The following EIF2AK4 variants were observed in gnomAD, a reference collection of about 807,000 sequenced individuals.
EIF2AK4 encodes the protein eukaryotic translation initiation factor 2 alpha kinase 4.
Under a neutral mutation model 211.1 loss-of-function variants are expected in EIF2AK4, and 139 were observed. The observed-to-expected ratio is 0.66, with a 90% CI of 0.57 to 0.76. EIF2AK4 has a LOEUF of 0.76. Among genes scored for constraint, EIF2AK4 ranks in the 30% least tolerant of loss-of-function variants. The pLI, the probability that EIF2AK4 is intolerant of heterozygous loss-of-function variation, is 0.00. For missense variants in EIF2AK4, 1,664 were observed against 2,043.8 expected, an observed-to-expected ratio of 0.81 and a Z score of 3.58; for synonymous variants, 710 against 751.3, an observed-to-expected ratio of 0.94 and a Z score of 0.90.
intron 1 of EIF2AK4, among the ~76,000 whole-genome samples, chr15:39,937,717 A>AG (rs370711042): frequency 1.3e-4 from 19 of 151,764 alleles, no homozygotes; most frequent in Admixed American, 5.9e-4. Context: ...AGATATAAGT[A>AG]GGTTTTTTTT....
At chr15:39,935,130 C>T (rs1054690836) in intron 1 of EIF2AK4, among the ~76,000 whole-genome samples, 1 of 152,152 alleles carries the variant, frequency 6.6e-6, no homozygotes, top group Non-Finnish European at 1.5e-5. Flanking sequence ...GCCCATGGGC[C>T]TCGGGTTAGA....
At position 40,016,556 on chromosome 15, in the gene EIF2AK4, C is replaced by G. The variant is rs867794168; in HGVS notation, c.3814C>G (p.Pro1272Ala). Residue 1272 changes from proline to alanine, a missense_variant, in exon 28 of 39, where the codon CCA (proline) becomes GCA (alanine). Pro to Ala is a conservative substitution (Grantham distance 27). Coordinates refer to ENST00000263791, the MANE Select transcript of EIF2AK4 (RefSeq NM_001013703.4). ...GAAGGGAGATTTGCAAGATCTTATGCCAACAATAAATTCATTAATAAAACA... is the reference window on the plus strand; with the variant it reads ...GAAGGGAGATTTGCAAGATCTTATGGCAACAATAAATTCATTAATAAAACA... Reference protein sequence around the residue: ...EQKGDLQDLMPTINSLIKQKT... With the variant: ...EQKGDLQDLMATINSLIKQKT... 4 of 1,613,960 alleles carry G rather than the reference C, an allele frequency of 2.5e-6. No homozygotes were observed. The highest frequency in any genetic ancestry group is 3.4e-6 in the Non-Finnish European group (4 of 1,180,002).
At position 39,973,585 on chromosome 15, in the gene EIF2AK4, A is replaced by G. The variant is rs927127866; in HGVS notation, c.1661-7A>G. Reference sequence around the variant, plus strand: ...TCATGTGCCTCTTACTCCCTGTTTTATCTCAGATTCTGAAGGACAAGATTA... The same window carrying G: ...TCATGTGCCTCTTACTCCCTGTTTTGTCTCAGATTCTGAAGGACAAGATTA... On this transcript the variant is annotated splice_polypyrimidine_tract_variant and splice_region_variant and intron_variant, in intron 10 of 38. Transcript: ENST00000263791. 1.9e-6 allele frequency: 3 copies of G among 1,607,064 alleles called. No homozygotes were observed. In the African/African-American group the frequency reaches 4.0e-5, roughly 22 times the overall value.
intron 15 of EIF2AK4, 130 bp downstream of exon 15, chr15:39,988,235 AT>A (rs2034893660): frequency 2.1e-6 from 2 of 965,828 alleles, no homozygotes; most frequent in East Asian, 5.2e-5. Flanking sequence ...GACATAATCT[AT>A]TTTTGTAGGA....
At chr15:39,939,284 T>G (rs1438650053) in intron 1 of EIF2AK4, among the ~76,000 whole-genome samples, 1 of 152,238 alleles carries the variant, frequency 6.6e-6, no homozygotes, top group Admixed American at 6.5e-5. Flanking sequence ...TGGAACATTT[T>G]GGTTCATTCC....
chr15:40,009,689 G>A lies in EIF2AK4; in HGVS notation c.3652G>A (p.Asp1218Asn), dbSNP rs1280353793. 1 of 1,610,022 alleles carries A rather than the reference G, an allele frequency of 6.2e-7. No individual in the cohort carries two copies. Among genetic ancestry groups the A allele is most frequent in the African/African-American group, 1.3e-5 (1 of 74,904 alleles). ...ACTCTTACACTGTGGGATCCCAGAA[G>A]ATAAACTCAGTCAAGTCTACATTAT... ...AILLHCGIPE[D>N]KLSQVYIILY... The change falls in exon 26 of 39, where the codon GAT (aspartate) becomes AAT (asparagine). Residue 1218 changes from aspartate (D) to asparagine (N), a missense_variant. By Grantham distance (23) the Asp-to-Asn change is conservative. Coordinates refer to ENST00000263791, the MANE Select transcript of EIF2AK4 (RefSeq NM_001013703.4).
chr15:39,967,903 T>C (rs1372936190), intron 9 of EIF2AK4, 24 bp downstream of exon 9: 1 of 1,607,736 alleles, frequency 6.2e-7, no homozygotes, highest in South Asian at 1.1e-5. Flanking sequence ...AGATTCTCTC[T>C]AATAGCACTT....
At chr15:39,994,683 T>C (rs2034995739) in intron 18 of EIF2AK4, among the ~76,000 whole-genome samples, 1 of 152,076 alleles carries the variant, frequency 6.6e-6, no homozygotes, top group Non-Finnish European at 1.5e-5. Context: ...AGGCTTGCAG[T>C]GGAGATTCAA....
chr15:39,996,485 A>G (rs1425447373), intron 18 of EIF2AK4, among the ~76,000 whole-genome samples: 4 of 152,168 alleles, frequency 2.6e-5, no homozygotes, highest in Non-Finnish European at 5.9e-5. Context: ...TGGGTGAATC[A>G]CTTGAGTCCA....
chr15:39,997,673 A>G (rs1177135952), intron 19 of EIF2AK4, among the ~76,000 whole-genome samples: 1 of 152,200 alleles, frequency 6.6e-6, no homozygotes, highest in African/African-American at 2.4e-5. Flanking sequence ...CGGGTCCGAA[A>G]AAAATATCTG....
Position 39,984,033 on chromosome 15 carries a change from G to A in EIF2AK4, c.2320-1772G>A, listed in dbSNP as rs1369296863. On this transcript the variant is annotated intron_variant, in intron 13 of 38. Transcript: ENST00000263791. ...CATCTTGAGTTAATTTTTGTATAAG[G>A]TGTAAGGAAGGGATTTGGTTTCAGC... is the stretch of plus-strand genomic sequence containing the variant. 3.3e-5 allele frequency among the ~76,000 whole-genome samples: 5 copies of A among 152,262 alleles called. No individual in the cohort carries two copies. In the East Asian group the frequency reaches 9.7e-4, roughly 29 times the overall value.
At position 40,029,579 on chromosome 15, in the gene EIF2AK4, C is replaced by T. The variant is rs17848500; in HGVS notation, c.4561+115C>T. The T allele has an allele frequency of 9.6e-4, 1,053 of 1,102,168 alleles. 5 individuals are homozygous for T. The highest frequency in any genetic ancestry group is 8.8e-3 in the East Asian group (348 of 39,690). The allele number at this position is 1,102,168 out of a possible 1,614,324, so 68.3% of individuals were successfully genotyped here. On this transcript the variant is annotated intron_variant, in intron 34 of 38. Coordinates refer to ENST00000263791, the MANE Select transcript of EIF2AK4 (RefSeq NM_001013703.4). The stretch of plus-strand genomic sequence containing the variant: ...AAATCTATTTTTAAAATAACATATA[C>T]GCAATAAATTGTACCACATGGGATG...
intron 32 of EIF2AK4, 60 bp downstream of exon 32, chr15:40,022,665 C>T (rs1269119876): frequency 6.8e-7 from 1 of 1,463,466 alleles, no homozygotes; most frequent in East Asian, 2.3e-5. Flanking sequence ...GGAGCACCTG[C>T]CTTCACACTG....
intron 8 of EIF2AK4, among the ~76,000 whole-genome samples, chr15:39,966,172 T>A (rs998749258): frequency 3.9e-5 from 6 of 152,108 alleles, no homozygotes; most frequent in Non-Finnish European, 8.8e-5. Flanking sequence ...TCCCTACTCT[T>A]GAAATATTGC....
At position 40,001,197 on chromosome 15, in the gene EIF2AK4, T is replaced by C; in HGVS notation, c.3132T>C (p.Asp1044=). ...CGCAGCGCATCTCCCCTGCCATCGA[T>C]TACACCTATGACAGCGACATACTGA... The part of the protein sequence containing the change: ...IFSQRISPAI[D]YTYDSDILKG... The change falls in exon 21 of 39, where the codon GAT becomes GAC. Residue 1044 remains aspartate (D), a synonymous_variant. Coordinates refer to ENST00000263791, the MANE Select transcript of EIF2AK4 (RefSeq NM_001013703.4). The C allele has an allele frequency of 1.9e-6, 3 of 1,613,692 alleles. No homozygotes were observed. Among genetic ancestry groups the C allele is most frequent in the Non-Finnish European group, 2.5e-6 (3 of 1,179,956 alleles).
chr15:39,967,716 GT>G lies in EIF2AK4; in HGVS notation c.1392del (p.Arg465ValfsTer38), dbSNP rs587777102. 82 of 1,614,066 alleles carry G rather than the reference GT, an allele frequency of 5.1e-5. No individual in the cohort carries two copies. The highest frequency in any genetic ancestry group is 6.5e-5 in the Non-Finnish European group (77 of 1,180,036). On this transcript the variant is annotated frameshift_variant, in exon 9 of 39. Transcript: ENST00000263791. LOFTEE classifies it high-confidence loss of function. ...CKEDVFEQTR[V>X]RFSDNALPYK... ...GGAGGATGTGTTTGAGCAAACCCGA[GT>G]TCGTTTTAGTGACAATGCTCTGCCT...
In EIF2AK4 at chr15:39,934,259, C is replaced by T; in HGVS notation, c.64C>T (p.Arg22Ter). ...CGAGCCTCCGGAGAGCTACCCGCAA[C>T]GACAGGACCACGAGCTACAGGCCCT... ...RDEPPESYPQ[R>*]QDHELQALEA... Residue 22 changes from arginine to a stop codon, truncating the protein, a stop_gained, in exon 1 of 39, where the codon CGA becomes TGA. Coordinates refer to ENST00000263791, the MANE Select transcript of EIF2AK4 (RefSeq NM_001013703.4). LOFTEE classifies it high-confidence loss of function. 3 of 1,610,870 alleles carry T rather than the reference C, an allele frequency of 1.9e-6. No homozygotes were observed. The highest frequency in any genetic ancestry group is 2.5e-6 in the Non-Finnish European group (3 of 1,178,738).
In EIF2AK4 at chr15:39,972,900, T is replaced by G. The variant is rs1410967387; in HGVS notation, c.1554-8T>G. On this transcript the variant is annotated splice_polypyrimidine_tract_variant and splice_region_variant and intron_variant, in intron 9 of 38. Coordinates refer to ENST00000263791, the MANE Select transcript of EIF2AK4 (RefSeq NM_001013703.4). The stretch of plus-strand genomic sequence containing the variant: ...TGATGCTAAGATTCTTCCTTCCCTC[T>G]CACCGAGATGTGTGTGCTTGGATGA... 2.5e-6 allele frequency: 4 copies of G among 1,611,726 alleles called. No homozygotes were observed. The African/African-American group carries it at 5.4e-5, about 22-fold the overall frequency.
intron 1 of EIF2AK4, among the ~76,000 whole-genome samples, chr15:39,936,971 A>G (rs1156578897): frequency 2.0e-5 from 3 of 151,928 alleles, no homozygotes; most frequent in Non-Finnish European, 2.9e-5. Context: ...TTTAGTGGGG[A>G]TGTGTTGTAA....
Sources: allele counts gnomAD v4.1 joint callset (sites outside exome capture counted in the v4.1 genomes callset), GRCh38; gene constraint gnomAD v4.1.1; transcripts MANE v1.5; gene names NCBI Gene and HGNC (gene_info 2026-07-23, HGNC 2026-07-21).